Variants in ACAT2 observed in about 807,000 individuals in gnomAD.
The protein encoded by ACAT2 is acetyl-CoA acetyltransferase, cytosolic.
In ACAT2, 26 loss-of-function variants were observed where a neutral mutation model predicts 37.1. That is an observed-to-expected ratio of 0.70 (90% CI 0.51 to 0.97). ACAT2 has a LOEUF of 0.97. ACAT2 is among the 50% of genes least tolerant of loss of function. The pLI, the probability that ACAT2 is intolerant of heterozygous loss-of-function variation, is 0.00. For missense variants in ACAT2, 468 were observed against 489.0 expected (o/e 0.96, Z 0.40); for synonymous variants, 156 against 163.6 (o/e 0.95, Z 0.35).
In ACAT2 at chr6:159,777,433, C is replaced by T. The variant is rs1297534429; in HGVS notation, c.889C>T (p.Pro297Ser). Residue 297 changes from proline (P) to serine (S), a missense_variant, in exon 7 of 9, where the codon CCA (proline) becomes TCA (serine). By Grantham distance (74) the Pro-to-Ser change is moderately conservative. Coordinates refer to ENST00000367048, the MANE Select transcript of ACAT2 (RefSeq NM_005891.3). ...GGAGCCTTCCATTATGGGAATAGGACCAATTCCAGCCATAAAGCAAGCTGT... is the reference window on the plus strand; with the variant it reads ...GGAGCCTTCCATTATGGGAATAGGATCAATTCCAGCCATAAAGCAAGCTGT... ...GVEPSIMGIG[P>S]IPAIKQAVTK... 1.2e-6 allele frequency: 2 copies of T among 1,612,266 alleles called. No individual in the cohort carries two copies. The highest frequency in any genetic ancestry group is 4.5e-5 in the East Asian group (2 of 44,892).
intron 1 of ACAT2, 56 bp downstream of exon 1, chr6:159,762,198 G>GCGC: frequency 6.4e-7 from 1 of 1,568,410 alleles, no homozygotes; most frequent in African/African-American, 1.4e-5. Flanking sequence ...TTCGGCAGGA[G>GCGC]CGCCGAGGGC....
At chr6:159,764,103 T>TAAA (rs1297550815) in intron 2 of ACAT2, among the ~76,000 whole-genome samples, 2 of 151,798 alleles carry the variant, frequency 1.3e-5, no homozygotes, top group East Asian at 3.9e-4. Context: ...AGACTCCTTT[T>TAAA]AAAAAGAAGA....
chr6:159,764,032 C>T (rs1583123354), intron 2 of ACAT2, among the ~76,000 whole-genome samples: 1 of 150,308 alleles, frequency 6.7e-6, no homozygotes, highest in Non-Finnish European at 1.5e-5. Context: ...ACCCGGGAGG[C>T]GGAGCTTGCA....
chr6:159,770,981 C>A (rs971017934), intron 4 of ACAT2, among the ~76,000 whole-genome samples: 1 of 152,212 alleles, frequency 6.6e-6, no homozygotes, highest in African/African-American at 2.4e-5. Flanking sequence ...AGAAGAATAG[C>A]TTGAACCCAG....
At chr6:159,762,178 C>T in intron 1 of ACAT2, 36 bp downstream of exon 1, 1 of 1,595,558 alleles carries the variant, frequency 6.3e-7, no homozygotes, top group Non-Finnish European at 8.5e-7. Flanking sequence ...GAGTCCGAGG[C>T]GCCTGCTGCT....
At position 159,762,098 on chromosome 6, in the gene ACAT2, G is replaced by A; in HGVS notation, c.11G>A (p.Gly4Asp). MNA[G>D]SDPVVIVSAA... ...GGCAGGAGAAGCAAGATGAATGCAG[G>A]CTCAGATCCTGTGGTCATCGTCTCG... The change falls in exon 1 of 9, where the codon GGC becomes GAC. Residue 4 changes from glycine to aspartate, a missense_variant. By Grantham distance (94) the Gly-to-Asp change is moderately conservative (BLOSUM62 -1). Transcript: ENST00000367048. 6.2e-7 allele frequency: 1 copy of A among 1,613,278 alleles called. No individual in the cohort carries two copies. The highest frequency in any genetic ancestry group is 8.5e-7 in the Non-Finnish European group (1 of 1,179,610).
intron 1 of ACAT2, chr6:159,762,441 C>G (rs939950404): frequency 1.3e-5 from 18 of 1,355,576 alleles, no homozygotes; most frequent in Non-Finnish European, 1.6e-5. Context: ...GTGTTCTCCT[C>G]CGGGGCCCCT....
At chr6:159,763,144 T>A (rs564190262) in intron 2 of ACAT2, 91 bp downstream of exon 2, 3 of 1,487,014 alleles carry the variant, frequency 2.0e-6, no homozygotes, top group Admixed American at 2.2e-5. Context: ...ACTCACACAC[T>A]CTCTCACTCA....
chr6:159,773,793 G>A (rs1780374425), intron 4 of ACAT2, among the ~76,000 whole-genome samples: 1 of 152,182 alleles, frequency 6.6e-6, no homozygotes, highest in African/African-American at 2.4e-5. Context: ...GAAAATGTAT[G>A]AGTCCATCCT....
At chr6:159,770,280 AAAT>A (rs1320560216) in intron 4 of ACAT2, among the ~76,000 whole-genome samples, 2 of 152,368 alleles carry the variant, frequency 1.3e-5, no homozygotes, top group East Asian at 3.9e-4. Context: ...AGAATTAGGA[AAAT>A]ATAGCTTACA....
intron 5 of ACAT2, 151 bp downstream of exon 5, chr6:159,775,464 G>T: frequency 1.1e-6 from 1 of 879,264 alleles, no homozygotes. Flanking sequence ...GTGGGGAGGG[G>T]GTATGCTGGG....
At position 159,763,012 on chromosome 6, in the gene ACAT2, A is replaced by G. The variant is rs538210662; in HGVS notation, c.149A>G (p.Glu50Gly). 3.7e-6 allele frequency: 6 copies of G among 1,614,102 alleles called. No homozygotes were observed. Among genetic ancestry groups the G allele is most frequent in the African/African-American group, 1.3e-5 (1 of 75,014 alleles). The change falls in exon 2 of 9, where the codon GAA becomes GGA. Residue 50 changes from glutamate (E) to glycine (G), a missense_variant. By Grantham distance (98) the Glu-to-Gly change is moderately conservative. Transcript: ENST00000367048. ...TTGAAGAGGGCCACTGTGGCTCCGG[A>G]AGATGTGTCTGAGGTCATCTTTGGA... ...EVLKRATVAP[E>G]DVSEVIFGHV...
At chr6:159,762,452 G>A in intron 1 of ACAT2, 1 of 1,346,210 alleles carries the variant, frequency 7.4e-7, no homozygotes. Context: ...CGGGGCCCCT[G>A]ATTGGCCGGC....
chr6:159,777,877 G>A (rs1253805312), intron 7 of ACAT2, among the ~76,000 whole-genome samples: 1 of 152,094 alleles, frequency 6.6e-6, no homozygotes, highest in Non-Finnish European at 1.5e-5. Context: ...TGCTTTCTAG[G>A]GGAACTGATT....
At chr6:159,777,791 T>C (rs1298706340) in intron 7 of ACAT2, among the ~76,000 whole-genome samples, 1 of 152,180 alleles carries the variant, frequency 6.6e-6, no homozygotes, top group African/African-American at 2.4e-5. Context: ...ATTGATCCTC[T>C]TGCCTTAGGC....
chr6:159,777,494 TC>T, intron 7 of ACAT2, 38 bp downstream of exon 7: 2 of 1,586,804 alleles, frequency 1.3e-6, no homozygotes, highest in Non-Finnish European at 1.7e-6. Flanking sequence ...AAATTTGTCT[TC>T]CTGTTAGCCT....
intron 8 of ACAT2, 21 bp downstream of exon 8, chr6:159,778,301 C>A: frequency 6.6e-7 from 1 of 1,513,962 alleles, no homozygotes; most frequent in Non-Finnish European, 9.1e-7. Flanking sequence ...ACAAGTAACC[C>A]TGAGAGCTTA....
intron 2 of ACAT2, among the ~76,000 whole-genome samples, chr6:159,765,617 AGG>A (rs755420949): frequency 6.7e-5 from 10 of 149,796 alleles, no homozygotes; most frequent in Non-Finnish European, 8.9e-5. Context: ...TTTAGTAGAG[AGG>A]GGGGGTTTCA....
At position 159,773,941 on chromosome 6, in the gene ACAT2, G is replaced by C. The variant is rs1319457907; in HGVS notation, c.491-1229G>C. ...TGCTAAAACTAGTGGGTGAAAATAT[G>C]ATGGGGAAGAAGATATTTGGATAAT... On this transcript the variant is annotated intron_variant, in intron 4 of 8. Transcript: ENST00000367048. Among the ~76,000 whole-genome samples, 3 of 152,218 alleles carry C rather than the reference G, an allele frequency of 2.0e-5. No individual in the cohort carries two copies. The South Asian group carries it at 6.2e-4, about 32-fold the overall frequency.
Sources: gnomAD v4.1 joint callset for allele counts (sites outside exome capture counted in the v4.1 genomes callset) on GRCh38, gnomAD v4.1.1 for gene constraint, MANE v1.5 for transcripts, NCBI Gene and HGNC (gene_info 2026-07-23, HGNC 2026-07-21) for gene names.